Variants in PHEX observed in about 807,000 individuals in gnomAD.
The protein encoded by PHEX is phosphate regulating endopeptidase X-linked.
A neutral mutation model predicts 68.0 loss-of-function variants in PHEX; 16 were observed. The ratio of observed to expected loss-of-function variants is 0.24; its 90% CI spans 0.16 to 0.36. PHEX has a LOEUF of 0.36. Ranked by LOEUF, PHEX falls within the 10% of genes least tolerant of loss-of-function variation. The pLI is 1.00. For missense variants in PHEX, 480 were observed against 575.5 expected (o/e 0.83, Z 1.70); for synonymous variants, 208 against 205.1 (o/e 1.01, Z -0.12).
At chrX:22,175,359 T>C (rs1933664264) in intron 13 of PHEX, among the ~76,000 whole-genome samples, 1 of 109,583 alleles carries the variant, frequency 9.1e-6, no homozygotes, top group South Asian at 4.0e-4. Flanking sequence ...TTTTTTTTTT[T>C]TTTAATTTTT....
intron 20 of PHEX, among the ~76,000 whole-genome samples, chrX:22,235,491 G>A (rs889470032): frequency 9.0e-6 from 1 of 111,044 alleles, no homozygotes; most frequent in Non-Finnish European, 1.9e-5. Context: ...TTTTGGTGAG[G>A]GCTTTCTTCT....
intron 12 of PHEX, among the ~76,000 whole-genome samples, chrX:22,140,036 G>T (rs1048217078): frequency 7.2e-5 from 8 of 111,116 alleles, no homozygotes; most frequent in African/African-American, 2.6e-4. Context: ...TTCTGATTCA[G>T]TAGTGCTAAG....
chrX:22,104,506 A>G (rs1930584379), intron 9 of PHEX, among the ~76,000 whole-genome samples: 1 of 111,699 alleles, frequency 9.0e-6, no homozygotes, highest in African/African-American at 3.3e-5. Flanking sequence ...TCTCTTCCTA[A>G]CTACATGTTC....
chrX:22,145,214 A>G (rs969681106), intron 12 of PHEX, among the ~76,000 whole-genome samples: 1 of 111,946 alleles, frequency 8.9e-6, no homozygotes, highest in African/African-American at 3.2e-5. Flanking sequence ...TCTTGGCTGT[A>G]CATTAGAATC....
At chrX:22,150,097 C>T (rs945671400) in intron 12 of PHEX, among the ~76,000 whole-genome samples, 1 of 110,952 alleles carries the variant, frequency 9.0e-6, no homozygotes, top group Non-Finnish European at 1.9e-5. Flanking sequence ...TATGAAGTTT[C>T]CAGCCTGATG....
chrX:22,114,011 C>T (rs1277592021), intron 10 of PHEX, among the ~76,000 whole-genome samples: 4 of 97,789 alleles, frequency 4.1e-5, no homozygotes, highest in African/African-American at 1.5e-4. Context: ...GTGCAGTGGC[C>T]CAATCTCAGC....
chrX:22,179,086 C>T (rs1012584090), intron 14 of PHEX, among the ~76,000 whole-genome samples: 2 of 111,623 alleles, frequency 1.8e-5, no homozygotes, highest in Admixed American at 1.9e-4. Context: ...GTACTGTTAT[C>T]CCCATTTTAC....
rs189225335 is a variant in PHEX at position 22,045,240 on chromosome X, A to G, written c.188-1810A>G. On this transcript the variant is annotated intron_variant, in intron 2 of 21. Transcript: ENST00000379374. Reference sequence around the variant, plus strand: ...AACCAAACTGTAAGATATGTATCTAAATTGACACAGATTGTACTTTTTTGG... The same window carrying G: ...AACCAAACTGTAAGATATGTATCTAGATTGACACAGATTGTACTTTTTTGG... Among the ~76,000 whole-genome samples the G allele has an allele frequency of 2.1e-3, 240 of 112,150 alleles. 1 individual carries two copies. Among genetic ancestry groups the G allele is most frequent in the African/African-American group, 7.4e-3 (229 of 30,911 alleles).
At chrX:22,081,885 C>T (rs1240281016) in intron 5 of PHEX, among the ~76,000 whole-genome samples, 2 of 111,743 alleles carry the variant, frequency 1.8e-5, no homozygotes, top group East Asian at 5.6e-4. Flanking sequence ...CAATAAAAGA[C>T]GTGAGTATAT....
At chrX:22,120,508 T>A (rs1931441737) in intron 11 of PHEX, among the ~76,000 whole-genome samples, 1 of 112,276 alleles carries the variant, frequency 8.9e-6, no homozygotes, top group East Asian at 2.8e-4. Context: ...TTGGAATAGG[T>A]TTGGCTTCCA....
intron 1 of PHEX, among the ~76,000 whole-genome samples, chrX:22,037,769 C>T (rs1157721731): frequency 9.0e-6 from 1 of 110,627 alleles, no homozygotes; most frequent in Non-Finnish European, 1.9e-5. Context: ...CTGTTGCTAT[C>T]AATAGGTGAT....
intron 8 of PHEX, 46 bp from the exon 9 acceptor site, chrX:22,098,960 A>G: frequency 8.6e-7 from 1 of 1,167,824 alleles, no homozygotes; most frequent in Non-Finnish European, 1.2e-6. Flanking sequence ...CTTACTTGCT[A>G]CCTAACCGAG....
chrX:22,224,947 A>AATTATCATACAGCGCTGTATGATTT (rs1443887608), intron 18 of PHEX, among the ~76,000 whole-genome samples: 4,359 of 22,294 alleles, frequency 0.2, 1,095 homozygotes, highest in Middle Eastern at 0.28. Flanking sequence ...AAATAACATA[A>AATTATCATACAGCGCTGTATGATTT]ATTATCATAC....
chrX:22,113,105 G>A (rs1374293716), intron 10 of PHEX, among the ~76,000 whole-genome samples: 2 of 107,637 alleles, frequency 1.9e-5, no homozygotes, highest in African/African-American at 6.7e-5. Context: ...ATGCCCAGCT[G>A]CTTTCCACCC....
intron 12 of PHEX, among the ~76,000 whole-genome samples, chrX:22,156,860 T>G (rs1932965230): frequency 9.0e-6 from 1 of 110,859 alleles, no homozygotes; most frequent in Non-Finnish European, 1.9e-5. Flanking sequence ...TCTGCCCAGT[T>G]TCTTTTCATC....
At chrX:22,232,833 G>A (rs76196457) in intron 20 of PHEX, among the ~76,000 whole-genome samples, 54 of 109,326 alleles carry the variant, frequency 4.9e-4, no homozygotes, top group African/African-American at 1.8e-3. Context: ...ATTTGATCCC[G>A]TCATTATGCT....
At chrX:22,119,805 C>T (rs1602311876) in intron 11 of PHEX, among the ~76,000 whole-genome samples, 2 of 110,177 alleles carry the variant, frequency 1.8e-5, no homozygotes, top group South Asian at 7.8e-4. Context: ...TCATGTTGGC[C>T]AAGCTGGTCT....
intron 11 of PHEX, among the ~76,000 whole-genome samples, chrX:22,125,368 G>A (rs1931671739): frequency 9.0e-6 from 1 of 111,574 alleles, no homozygotes; most frequent in Non-Finnish European, 1.9e-5. Context: ...TAACTTCTAA[G>A]TATGTTAAAG....
chrX:22,116,675 G>A (rs1931247003), intron 11 of PHEX, among the ~76,000 whole-genome samples: 3 of 111,099 alleles, frequency 2.7e-5, no homozygotes, highest in Non-Finnish European at 5.7e-5. Flanking sequence ...CCATATCTAA[G>A]TACATTTGTG....
Sources: gnomAD v4.1 joint callset for allele counts (sites outside exome capture counted in the v4.1 genomes callset) on GRCh38, gnomAD v4.1.1 for gene constraint, MANE v1.5 for transcripts, NCBI Gene and HGNC (gene_info 2026-07-23, HGNC 2026-07-21) for gene names.